RNF10: variants seen among roughly 807,000 people sequenced by gnomAD.
The protein encoded by RNF10 is ring finger protein 10.
A neutral mutation model predicts 91.4 loss-of-function variants in RNF10; 38 were observed. The observed-to-expected ratio is 0.42, with a 90% confidence interval of 0.32 to 0.54. The LOEUF is 0.54. RNF10 is among the 20% of genes least tolerant of loss of function. The pLI is 0.16. For synonymous variants in RNF10, 364 were observed against 366.3 expected, an observed-to-expected ratio of 0.99 and a Z score of 0.07; for missense variants, 945 against 1,012.0, an observed-to-expected ratio of 0.93 and a Z score of 0.90.
Position 120,565,223 on chromosome 12 carries a change from T to C in RNF10, c.1783+34T>C, listed in dbSNP as rs765061391. The C allele has an allele frequency of 1.7e-5, 25 of 1,443,384 alleles. 1 individual carries two copies. The South Asian group carries it at 2.7e-4, about 16-fold the overall frequency. The allele number at this position is 1,443,384 out of a possible 1,614,324, so 89.4% of individuals were successfully genotyped here. The stretch of plus-strand genomic sequence containing the variant: ...GCCCCTGCTCTGCTTCTCTTTATAG[T>C]AGGGTTCAGGGATTCTTGTGGCTAG... On this transcript the variant is annotated intron_variant, in intron 11 of 16. Transcript: ENST00000325954.
At chr12:120,563,252 C>A in intron 8 of RNF10, 95 bp from the exon 9 acceptor site, 1 of 1,494,904 alleles carries the variant, frequency 6.7e-7, no homozygotes, top group Non-Finnish European at 9.1e-7. Context: ...CTAAGATAAA[C>A]ATCTAGGGAG....
At chr12:120,553,218 G>C (rs1307587603) in intron 3 of RNF10, among the ~76,000 whole-genome samples, 3 of 149,846 alleles carry the variant, frequency 2.0e-5, no homozygotes, top group African/African-American at 7.4e-5. Context: ...CGAATAGCTG[G>C]GACTACAGGT....
intron 1 of RNF10, among the ~76,000 whole-genome samples, chr12:120,544,254 G>T (rs1871979888): frequency 6.6e-6 from 1 of 151,502 alleles, no homozygotes; most frequent in South Asian, 2.1e-4. Flanking sequence ...CAGGCATGGT[G>T]GTTCATGCCT....
At chr12:120,562,267 CTTTCTTTTTTTTT>C (rs1219833634) in intron 7 of RNF10, among the ~76,000 whole-genome samples, 2 of 102,182 alleles carry the variant, frequency 2.0e-5, no homozygotes, top group Admixed American at 1.3e-4. Context: ...CTTTTTCTTT[CTTTCTTTTTTTTT>C]TTTTTTTTTT....
chr12:120,554,126 TG>T (rs1263915755), intron 3 of RNF10: 2 of 152,696 alleles, frequency 1.3e-5, no homozygotes, highest in African/African-American at 4.8e-5. Context: ...AGGATGGTCT[TG>T]ATCTCCTGAC....
Position 120,563,799 on chromosome 12 carries a change from C to T in RNF10, c.1532-11C>T, listed in dbSNP as rs764681226. 3.1e-6 allele frequency: 5 copies of T among 1,613,946 alleles called. No homozygotes were observed. The highest frequency in any genetic ancestry group is 4.2e-6 in the Non-Finnish European group (5 of 1,179,950). On this transcript the variant is annotated splice_polypyrimidine_tract_variant and intron_variant, in intron 9 of 16. Transcript: ENST00000325954. The stretch of plus-strand genomic sequence containing the variant: ...CCAAGACTGGTGTGTGATAGAGCCC[C>T]TTGTCCTCAGCGGAAGATGGACAGC...
Position 120,576,709 on chromosome 12 carries a change from TG to T in RNF10, c.*44del. On this transcript the variant is annotated 3_prime_UTR_variant, in exon 17 of 17. Transcript: ENST00000325954. The stretch of plus-strand genomic sequence containing the variant: ...ACCTTCTCCATCTGGTTTTTGTTTT[TG>T]TTTTTTTTTCCCCCATGCTTTTGTT... 6.3e-7 allele frequency: 1 copy of T among 1,591,170 alleles called. No homozygotes were observed. The highest frequency in any genetic ancestry group is 1.2e-5 in the South Asian group (1 of 86,374).
At chr12:120,559,919 A>G (rs896664438) in intron 6 of RNF10, among the ~76,000 whole-genome samples, 1 of 150,320 alleles carries the variant, frequency 6.7e-6, no homozygotes, top group Non-Finnish European at 1.5e-5. Context: ...CTGGTTTCGA[A>G]CTCCTAACTT....
chr12:120,542,153 A>G (rs1196058025), intron 1 of RNF10, among the ~76,000 whole-genome samples: 2 of 152,158 alleles, frequency 1.3e-5, no homozygotes, highest in African/African-American at 4.8e-5. Context: ...GGCGTGAGCC[A>G]CCGTGCCTGG....
intron 13 of RNF10, among the ~76,000 whole-genome samples, chr12:120,569,923 C>G (rs1876364276): frequency 6.6e-6 from 1 of 152,120 alleles, no homozygotes; most frequent in Non-Finnish European, 1.5e-5. Flanking sequence ...TGGAGTCTGT[C>G]TCTCTGTCGC....
chr12:120,552,467 C>G (rs1173152341), intron 2 of RNF10, 32 bp from the exon 3 acceptor site: 1 of 1,578,566 alleles, frequency 6.3e-7, no homozygotes, highest in Non-Finnish European at 8.7e-7. Flanking sequence ...TCATCCTAAT[C>G]TGAAATACTG....
intron 2 of RNF10, among the ~76,000 whole-genome samples, chr12:120,548,090 ATTCT>A (rs1555225911): frequency 1.3e-5 from 2 of 152,256 alleles, no homozygotes; most frequent in African/African-American, 2.4e-5. Flanking sequence ...AATGGAGAAC[ATTCT>A]TTCAAGAAGA....
chr12:120,575,419 T>C (rs976937063), intron 14 of RNF10: 32 of 576,484 alleles, frequency 5.6e-5, no homozygotes, highest in East Asian at 5.0e-4. Context: ...AAACAGCTTA[T>C]GGTTTACTAC....
intron 2 of RNF10, among the ~76,000 whole-genome samples, chr12:120,547,013 G>A (rs1052724318): frequency 1.3e-5 from 2 of 152,116 alleles, no homozygotes; most frequent in African/African-American, 4.8e-5. Context: ...GCTTCTGTAA[G>A]TGCATAAAGA....
chr12:120,541,615 T>C (rs1352641241), intron 1 of RNF10, among the ~76,000 whole-genome samples: 1 of 151,174 alleles, frequency 6.6e-6, no homozygotes, highest in Non-Finnish European at 1.5e-5. Context: ...TTTGTATTTT[T>C]AGTAGAGATG....
In RNF10 at chr12:120,577,204, T is replaced by A. The variant is rs1192455403; in HGVS notation, c.*538T>A. ...TTGCAGTTTTTTTTTTTCTGACACA[T>A]GGCCAGGCTGTGGTGCCAGCTTAAT... On this transcript the variant is annotated 3_prime_UTR_variant, in exon 17 of 17. Coordinates refer to ENST00000325954, the MANE Select transcript of RNF10 (RefSeq NM_014868.5). 4.4e-6 allele frequency: 2 copies of A among 453,512 alleles called. No homozygotes were observed. Among genetic ancestry groups the A allele is most frequent in the Non-Finnish European group, 8.9e-6 (2 of 225,774 alleles). The allele number at this position is 453,512 out of a possible 1,614,324, so 28.1% of individuals were successfully genotyped here. A position where few individuals can be genotyped will look rare whatever the true frequency, so the allele number is the denominator to read the frequency against.
intron 2 of RNF10, among the ~76,000 whole-genome samples, chr12:120,551,260 ATAG>A (rs952515883): frequency 7.1e-6 from 1 of 141,298 alleles, no homozygotes; most frequent in Non-Finnish European, 1.5e-5. Context: ...CACTGGGATT[ATAG>A]ATGTGAGCCA....
At chr12:120,537,236 C>T (rs1024328274) in intron 1 of RNF10, among the ~76,000 whole-genome samples, 12 of 151,610 alleles carry the variant, frequency 7.9e-5, no homozygotes, top group African/African-American at 2.9e-4. Context: ...GCACTTAAAC[C>T]CAGAAGTTCG....
chr12:120,543,478 A>ACATAGTG (rs1284469092), intron 1 of RNF10, among the ~76,000 whole-genome samples: 1 of 152,042 alleles, frequency 6.6e-6, no homozygotes, highest in Non-Finnish European at 1.5e-5. Flanking sequence ...AGCCTGGGCA[A>ACATAGTG]CATAGTGAGA....
Sources: gnomAD v4.1 joint callset for allele counts (sites outside exome capture counted in the v4.1 genomes callset) on GRCh38, gnomAD v4.1.1 for gene constraint, MANE v1.5 for transcripts, NCBI Gene and HGNC (gene_info 2026-07-23, HGNC 2026-07-21) for gene names.